Variants in YES1 observed in about 807,000 individuals in gnomAD.
YES1 encodes the protein tyrosine-protein kinase Yes.
A neutral mutation model predicts 70.4 loss-of-function variants in YES1; 39 were observed. That is an observed-to-expected ratio of 0.55 (90% CI 0.43 to 0.72). The LOEUF is 0.72. YES1 is among the 30% of genes least tolerant of loss of function. The pLI is 0.00. For synonymous variants in YES1, 198 were observed against 218.6 expected, an observed-to-expected ratio of 0.91 and a Z score of 0.83; for missense variants, 495 against 644.8, an observed-to-expected ratio of 0.77 and a Z score of 2.52.
intron 1 of YES1, among the ~76,000 whole-genome samples, chr18:791,781 G>A (rs1279388015): frequency 2.6e-5 from 4 of 152,146 alleles, no homozygotes; most frequent in African/African-American, 7.2e-5. Context: ...TGCACCAGGC[G>A]TGGTGGCTCA....
chr18:746,141 T>G, intron 4 of YES1, 90 bp from the exon 5 acceptor site: 1 of 907,496 alleles, frequency 1.1e-6, no homozygotes, highest in Non-Finnish European at 1.7e-6. Context: ...GGGATAGGTT[T>G]GGACGACAAA....
chr18:748,162 C>A, intron 3 of YES1, 144 bp from the exon 4 acceptor site: 1 of 636,582 alleles, frequency 1.6e-6, no homozygotes, highest in South Asian at 2.4e-5. Flanking sequence ...GAATTAAACT[C>A]AAAGAATGAT....
At chr18:748,687 A>G (rs529394917) in intron 3 of YES1, among the ~76,000 whole-genome samples, 39 of 152,256 alleles carry the variant, frequency 2.6e-4, no homozygotes, top group African/African-American at 9.1e-4. Flanking sequence ...ATAATTTTTT[A>G]AAGGTTCATC....
chr18:727,812 T>C (rs1230801638), intron 11 of YES1, among the ~76,000 whole-genome samples: 1 of 152,152 alleles, frequency 6.6e-6, no homozygotes, highest in East Asian at 1.9e-4. Context: ...ATCAGCAGTT[T>C]TCCCCAAAGC....
intron 4 of YES1, among the ~76,000 whole-genome samples, chr18:747,246 G>C (rs1268863658): frequency 6.6e-6 from 1 of 152,220 alleles, no homozygotes; most frequent in African/African-American, 2.4e-5. Flanking sequence ...GAGGCGGGTG[G>C]ATCACTTGAG....
chr18:733,705 C>A (rs1237431364), intron 10 of YES1, among the ~76,000 whole-genome samples: 1 of 142,792 alleles, frequency 7.0e-6, no homozygotes, highest in Admixed American at 7.5e-5. Flanking sequence ...ATGGTGTGAA[C>A]CCAGGAGGCG....
rs549394480 is a variant in YES1 at position 733,548 on chromosome 18, C to T, written c.1292-583G>A. Reference sequence around the variant, plus strand: ...CCTGTAATCCCAGCATTTTGGGAGGCCGAGGTGAGTGGATCATGAGGTCAG... The same window carrying T: ...CCTGTAATCCCAGCATTTTGGGAGGTCGAGGTGAGTGGATCATGAGGTCAG... On this transcript the variant is annotated intron_variant, in intron 10 of 11. Transcript: ENST00000314574. Among the ~76,000 whole-genome samples the T allele has an allele frequency of 5.1e-4, 78 of 151,932 alleles. 1 individual carries two copies. The highest frequency in any genetic ancestry group is 1.4e-3 in the African/African-American group (59 of 41,440).
chr18:727,727 C>G (rs2080038115), intron 11 of YES1, among the ~76,000 whole-genome samples: 1 of 152,104 alleles, frequency 6.6e-6, no homozygotes, highest in African/African-American at 2.4e-5. Flanking sequence ...CCCCCTCTAC[C>G]CTTTGTGTTA....
chr18:765,499 A>G (rs1238083386), intron 1 of YES1, among the ~76,000 whole-genome samples: 1 of 150,298 alleles, frequency 6.7e-6, no homozygotes, highest in African/African-American at 2.5e-5. Flanking sequence ...CCCCGGTTCA[A>G]GCGATTCTCC....
intron 1 of YES1, among the ~76,000 whole-genome samples, chr18:762,998 G>A (rs1435983775): frequency 6.6e-6 from 1 of 152,202 alleles, no homozygotes; most frequent in Non-Finnish European, 1.5e-5. Flanking sequence ...TTTTGCAAAG[G>A]AAGTGGTATC....
rs753235749 is a variant in YES1, at chr18:756,831, C to G, written c.-4G>C. ...CTTTACTTTTAATGCAGCCCATTAT[C>G]AAATCTACAGAGACAATAAAATATT... On this transcript the variant is annotated 5_prime_UTR_variant, in exon 2 of 12. Transcript: ENST00000314574. The G allele has an allele frequency of 4.3e-6, 7 of 1,612,234 alleles. No individual in the cohort carries two copies. In the Admixed American group the frequency reaches 1.2e-4, roughly 27 times the overall value.
At chr18:792,217 T>C (rs1355284974) in intron 1 of YES1, among the ~76,000 whole-genome samples, 3 of 151,938 alleles carry the variant, frequency 2.0e-5, no homozygotes, top group Non-Finnish European at 2.9e-5. Context: ...GGCAGGAGAA[T>C]TGTTTCAACC....
chr18:755,951 T>C lies in YES1; in HGVS notation c.271+606A>G, dbSNP rs564803542. ...AGCCTTCTGTCTCCACGAAAGGTTG[T>C]CAACAATCACTTCTTGCTATTCTCT... On this transcript the variant is annotated intron_variant, in intron 2 of 11. Coordinates refer to ENST00000314574, the MANE Select transcript of YES1 (RefSeq NM_005433.4). Among the ~76,000 whole-genome samples the C allele has an allele frequency of 2.0e-5, 3 of 152,340 alleles. No homozygotes were observed. In the East Asian group the frequency reaches 5.8e-4, roughly 29 times the overall value.
chr18:743,165 A>C (rs1202479628), intron 7 of YES1, 68 bp from the exon 8 acceptor site: 1 of 1,548,942 alleles, frequency 6.5e-7, no homozygotes, highest in Non-Finnish European at 8.7e-7. Flanking sequence ...AGTGAACAGC[A>C]CTTCTCTTAA....
chr18:789,513 G>T (rs757185763), intron 1 of YES1, among the ~76,000 whole-genome samples: 3 of 152,076 alleles, frequency 2.0e-5, no homozygotes, highest in Non-Finnish European at 4.4e-5. Context: ...AGCTCAGGAG[G>T]TCAAGGCTGC....
intron 1 of YES1, among the ~76,000 whole-genome samples, chr18:801,567 C>G (rs911559482): frequency 5.9e-5 from 9 of 152,176 alleles, no homozygotes; most frequent in Admixed American, 1.3e-4. Context: ...GACCTTCCAT[C>G]TATTTCTACT....
intron 11 of YES1, among the ~76,000 whole-genome samples, chr18:726,148 G>C (rs745418909): frequency 1.3e-5 from 2 of 152,068 alleles, no homozygotes; most frequent in Non-Finnish European, 2.9e-5. Context: ...CTCAAAGGCC[G>C]GGTGCGGTGG....
At chr18:768,894 G>T (rs1289227758) in intron 1 of YES1, among the ~76,000 whole-genome samples, 1 of 152,020 alleles carries the variant, frequency 6.6e-6, no homozygotes, top group Non-Finnish European at 1.5e-5. Context: ...GTAGAGACAG[G>T]GTTTCCCCAT....
rs566335962 is a variant in YES1 at position 732,001 on chromosome 18, G to T, written c.1423+833C>A. ...AAAAAAAAAAAAGTCTCTTAATTTT[G>T]AAAGGGAAACACTTTCATTTTTCCT... is the stretch of plus-strand genomic sequence containing the variant. On this transcript the variant is annotated intron_variant, in intron 11 of 11. Coordinates refer to ENST00000314574, the MANE Select transcript of YES1 (RefSeq NM_005433.4). 7.1e-5 allele frequency among the ~76,000 whole-genome samples: 10 copies of T among 140,654 alleles called. 1 individual carries two copies. In the South Asian group the frequency reaches 1.6e-3, roughly 22 times the overall value. 92.3% of individuals were successfully genotyped at this position (140,654 alleles called of 152,430 possible).
Sources: allele counts gnomAD v4.1 joint callset (sites outside exome capture counted in the v4.1 genomes callset), GRCh38; gene constraint gnomAD v4.1.1; transcripts MANE v1.5; gene names NCBI Gene and HGNC (gene_info 2026-07-23, HGNC 2026-07-21).